Variants in CADM2 observed in about 807,000 individuals in gnomAD.
CADM2 encodes immunoglobulin superfamily member 4D.
In CADM2, 12 loss-of-function variants were observed where a neutral mutation model predicts 49.8. That is an observed-to-expected ratio of 0.24 (90% CI 0.15 to 0.39). CADM2 has a LOEUF of 0.39. CADM2 is among the 10% of genes least tolerant of loss of function. The pLI, the probability that CADM2 is intolerant of heterozygous loss-of-function variation, is 1.00. For missense variants in CADM2, 378 were observed against 492.3 expected, an observed-to-expected ratio of 0.77 and a Z score of 2.20; for synonymous variants, 214 against 175.4, an observed-to-expected ratio of 1.22 and a Z score of -1.74.
intron 1 of CADM2, among the ~76,000 whole-genome samples, chr3:85,134,259 C>G (rs2039343548): frequency 6.6e-6 from 1 of 152,206 alleles, no homozygotes; most frequent in Admixed American, 6.5e-5. Context: ...CACCTCCCTG[C>G]AAGCTGAGGG....
chr3:86,000,957 G>C (rs1264817216), intron 8 of CADM2, among the ~76,000 whole-genome samples: 1 of 152,060 alleles, frequency 6.6e-6, no homozygotes, highest in Non-Finnish European at 1.5e-5. Context: ...TATACCAGAG[G>C]GGATGGTGGG....
In CADM2 at chr3:85,085,854, G is replaced by A. The variant is rs536570999; in HGVS notation, c.61+126186G>A. Among the ~76,000 whole-genome samples, 9 of 151,918 alleles carry A rather than the reference G, an allele frequency of 5.9e-5. No homozygotes were observed. The South Asian group carries it at 1.7e-3, about 28-fold the overall frequency. ...TCTTATGCCTTGCTTTTTTTTCTCA[G>A]TATGCCTATGAGCAGCACATTTGAT... On this transcript the variant is annotated intron_variant, in intron 1 of 9. Transcript: ENST00000383699.
intron 1 of CADM2, among the ~76,000 whole-genome samples, chr3:85,695,510 C>G (rs2066522950): frequency 6.6e-6 from 1 of 151,774 alleles, no homozygotes; most frequent in African/African-American, 2.4e-5. Flanking sequence ...ATCCAATTTG[C>G]TGCAAGAGAT....
At chr3:85,027,359 C>T (rs1313780952) in intron 1 of CADM2, among the ~76,000 whole-genome samples, 1 of 151,846 alleles carries the variant, frequency 6.6e-6, no homozygotes, top group African/African-American at 2.4e-5. Context: ...CGTGATCCCA[C>T]CTTGGCCTCC....
intron 1 of CADM2, among the ~76,000 whole-genome samples, chr3:85,088,088 G>A (rs1052632835): frequency 2.0e-5 from 3 of 152,180 alleles, no homozygotes; most frequent in Admixed American, 6.5e-5. Flanking sequence ...AGAATTTTCT[G>A]TCTAATCCTG....
chr3:86,053,906 C>A (rs947184997), intron 8 of CADM2, among the ~76,000 whole-genome samples: 1 of 151,832 alleles, frequency 6.6e-6, no homozygotes, highest in East Asian at 1.9e-4. Flanking sequence ...TGTACTAAAA[C>A]TTTTGTATAT....
At chr3:85,398,349 G>A (rs1304760501) in intron 1 of CADM2, among the ~76,000 whole-genome samples, 1 of 150,276 alleles carries the variant, frequency 6.7e-6, no homozygotes, top group Non-Finnish European at 1.5e-5. Context: ...TCCTTTTTAT[G>A]GCTGCATAGT....
At chr3:85,363,545 C>G (rs1464396558) in intron 1 of CADM2, among the ~76,000 whole-genome samples, 1 of 152,076 alleles carries the variant, frequency 6.6e-6, no homozygotes, top group Admixed American at 6.6e-5. Context: ...ACATAAAAAT[C>G]TTAATAAACT....
intron 1 of CADM2, among the ~76,000 whole-genome samples, chr3:85,443,328 A>G (rs1417210484): frequency 1.3e-5 from 2 of 152,170 alleles, no homozygotes; most frequent in Admixed American, 6.6e-5. Flanking sequence ...AATTATAAGG[A>G]GACAATATAT....
intron 8 of CADM2, among the ~76,000 whole-genome samples, chr3:86,063,775 A>G (rs1738975548): frequency 6.6e-6 from 1 of 152,206 alleles, no homozygotes; most frequent in Non-Finnish European, 1.5e-5. Context: ...TTTTGAAGGC[A>G]TTCTTGCCAA....
intron 1 of CADM2, among the ~76,000 whole-genome samples, chr3:85,598,810 G>T (rs1480432065): frequency 6.6e-6 from 1 of 150,948 alleles, no homozygotes; most frequent in East Asian, 2.0e-4. Context: ...TATCTATATA[G>T]TGTATACATT....
rs1175508257 is a variant in CADM2, at chr3:85,515,624, T to TAG, written c.62-210897_62-210896insGA. Among the ~76,000 whole-genome samples, 442 of 117,070 alleles carry TAG rather than the reference T, an allele frequency of 3.8e-3. 3 individuals are homozygous for TAG. Among genetic ancestry groups the TAG allele is most frequent in the African/African-American group, 0.015 (422 of 28,836 alleles). The allele number at this position is 117,070 out of a possible 152,430, so 76.8% of individuals were successfully genotyped here. A position where few individuals can be genotyped will look rare whatever the true frequency, so the allele number is the denominator to read the frequency against. ...CCACGCCCACTAATATATATATATA[T>TAG]ATATATATTTTTTTTTTTTGTATCT... is the stretch of plus-strand genomic sequence containing the variant. On this transcript the variant is annotated intron_variant, in intron 1 of 9. Coordinates refer to ENST00000383699, the MANE Select transcript of CADM2 (RefSeq NM_001167675.2).
chr3:85,614,724 C>T (rs1268576745), intron 1 of CADM2, among the ~76,000 whole-genome samples: 1 of 151,836 alleles, frequency 6.6e-6, no homozygotes, highest in African/African-American at 2.4e-5. Flanking sequence ...AAGTCCTACA[C>T]ACATGCAAAC....
chr3:85,988,015 G>A (rs1728331189), intron 8 of CADM2, among the ~76,000 whole-genome samples: 1 of 152,034 alleles, frequency 6.6e-6, no homozygotes, highest in African/African-American at 2.4e-5. Flanking sequence ...TATAAGCTTG[G>A]TGAAACACCG....
chr3:85,683,467 A>G lies in CADM2; in HGVS notation c.62-43055A>G, dbSNP rs572622714. 1.3e-4 allele frequency among the ~76,000 whole-genome samples: 20 copies of G among 152,326 alleles called. No individual in the cohort carries two copies. The East Asian group carries it at 3.9e-3, about 29-fold the overall frequency. ...CCTTAGTGGAAATCTAATAACTTCA[A>G]ACATAAAATATTGATCCTGCTCTAC... On this transcript the variant is annotated intron_variant, in intron 1 of 9. Coordinates refer to ENST00000383699, the MANE Select transcript of CADM2 (RefSeq NM_001167675.2).
chr3:85,395,214 C>T (rs553520947), intron 1 of CADM2, among the ~76,000 whole-genome samples: 1 of 142,974 alleles, frequency 7.0e-6, no homozygotes, highest in South Asian at 2.2e-4. Flanking sequence ...TGGAGGATCA[C>T]ATGAGCCTGG....
intron 1 of CADM2, among the ~76,000 whole-genome samples, chr3:85,644,090 C>G (rs2107561195): frequency 6.6e-6 from 1 of 152,242 alleles, no homozygotes; most frequent in Middle Eastern, 3.4e-3. Context: ...ATATCACAGG[C>G]TGACACACAC....
intron 1 of CADM2, among the ~76,000 whole-genome samples, chr3:85,245,155 T>C (rs550858752): frequency 2.8e-4 from 42 of 152,192 alleles, no homozygotes; most frequent in African/African-American, 8.7e-4. Flanking sequence ...CCCAGTATGA[T>C]TTTCATAAGT....
At chr3:85,823,565 C>T (rs1413287615) in intron 3 of CADM2, among the ~76,000 whole-genome samples, 1 of 152,010 alleles carries the variant, frequency 6.6e-6, no homozygotes, top group African/African-American at 2.4e-5. Flanking sequence ...TTGAGGAGCA[C>T]TGTTATGTGG....
Sources: allele counts gnomAD v4.1 joint callset (sites outside exome capture counted in the v4.1 genomes callset), GRCh38; gene constraint gnomAD v4.1.1; transcripts MANE v1.5; gene names NCBI Gene and HGNC (gene_info 2026-07-23, HGNC 2026-07-21).